Variants in SCRN3 observed in about 807,000 individuals in gnomAD.
SCRN3 encodes the protein secernin 3.
In SCRN3, 39 loss-of-function variants were observed where a neutral mutation model predicts 43.1. The observed-to-expected ratio is 0.91, with a 90% CI of 0.70 to 1.18. SCRN3 has a LOEUF of 1.18. Among genes scored for constraint, SCRN3 ranks in the 50% most tolerant of loss-of-function variants. The pLI, the probability that SCRN3 is intolerant of heterozygous loss-of-function variation, is 0.00. For synonymous variants in SCRN3, 147 were observed against 163.1 expected, an observed-to-expected ratio of 0.90 and a Z score of 0.75; for missense variants, 484 against 498.0, an observed-to-expected ratio of 0.97 and a Z score of 0.27.
Position 174,412,370 on chromosome 2 carries a change from T to A in SCRN3, c.754+8055T>A, listed in dbSNP as rs567247830. On this transcript the variant is annotated intron_variant, in intron 5 of 7. Transcript: ENST00000272732. ...CTGGGAATTTTTTTTTTTTTTCTGC[T>A]TTCTTTCTGTCTTGTCCCAGCTCCC... 2.6e-5 allele frequency among the ~76,000 whole-genome samples: 4 copies of A among 151,836 alleles called. No homozygotes were observed. In the East Asian group the frequency reaches 7.8e-4, roughly 29 times the overall value.
rs759998483 is a variant in SCRN3 at position 174,400,016 on chromosome 2, A to G, written c.254A>G (p.Glu85Gly). The change falls in exon 3 of 8, where the codon GAG (glutamate) becomes GGG (glycine). Residue 85 changes from glutamate (E) to glycine (G), a missense_variant. Glu to Gly is a moderately conservative substitution (Grantham distance 98, BLOSUM62 -2). Coordinates refer to ENST00000272732, the MANE Select transcript of SCRN3 (RefSeq NM_024583.5). ...WLWGAEMGANEHGVCIGNEAV... is the reference protein window; with the variant it reads ...WLWGAEMGANGHGVCIGNEAV... ...TGGGGGGCAGAAATGGGAGCCAATG[A>G]GCATGGAGTTTGCATTGGGAATGAA... The G allele has an allele frequency of 6.2e-7, 1 of 1,600,814 alleles. No homozygotes were observed. The highest frequency in any genetic ancestry group is 1.1e-5 in the South Asian group (1 of 89,086).
intron 7 of SCRN3, among the ~76,000 whole-genome samples, chr2:174,426,268 G>A (rs1223626087): frequency 2.0e-5 from 3 of 152,026 alleles, no homozygotes; most frequent in Admixed American, 2.0e-4. Context: ...ATTTACTTTT[G>A]TGTATTTGAT....
chr2:174,427,835 G>A lies in SCRN3; in HGVS notation c.1215G>A (p.Gln405=), dbSNP rs762808428. Residue 405 remains glutamine (Q), a synonymous_variant, in exon 8 of 8, where the codon CAG becomes CAA. Coordinates refer to ENST00000272732, the MANE Select transcript of SCRN3 (RefSeq NM_024583.5). The stretch of plus-strand genomic sequence containing the variant: ...AGAAAATTGTTAATCTCTTTCCTCA[G>A]TGTACAAAAGATGAAATTCAAATTT... ...DVEKIVNLFP[Q]CTKDEIQIYQ... The A allele has an allele frequency of 1.9e-6, 3 of 1,605,658 alleles. No individual in the cohort carries two copies. In the East Asian group the frequency reaches 6.7e-5, roughly 36 times the overall value.
intron 1 of SCRN3, among the ~76,000 whole-genome samples, chr2:174,397,643 T>C (rs1023821000): frequency 1.3e-5 from 2 of 152,128 alleles, no homozygotes; most frequent in African/African-American, 4.8e-5. Flanking sequence ...ATAAGACAAG[T>C]TCCAGCAAAG....
intron 4 of SCRN3, among the ~76,000 whole-genome samples, chr2:174,402,755 A>G (rs1330808813): frequency 6.6e-6 from 1 of 152,202 alleles, no homozygotes; most frequent in African/African-American, 2.4e-5. Context: ...TGATTCTTTC[A>G]TGACTTGGAT....
chr2:174,414,939 T>G (rs1408042344), intron 5 of SCRN3, among the ~76,000 whole-genome samples: 1 of 152,066 alleles, frequency 6.6e-6, no homozygotes, highest in African/African-American at 2.4e-5. Context: ...AATTTTTTTA[T>G]TTTTTGTAGA....
chr2:174,422,830 G>A (rs566461857), intron 5 of SCRN3, 55 bp from the exon 6 acceptor site: 2 of 1,124,436 alleles, frequency 1.8e-6, no homozygotes, highest in South Asian at 1.5e-5. Flanking sequence ...GTTCATATTT[G>A]CAAGGCATCC....
chr2:174,413,043 A>T (rs13014481), intron 5 of SCRN3, among the ~76,000 whole-genome samples: 29,397 of 150,082 alleles, frequency 0.2, 3,328 homozygotes, highest in Middle Eastern at 0.38. Flanking sequence ...TAATTTTGTA[A>T]TTTTTTTTAG....
chr2:174,423,183 C>A, intron 6 of SCRN3, 136 bp downstream of exon 6: 1 of 610,090 alleles, frequency 1.6e-6, no homozygotes, highest in Non-Finnish European at 2.7e-6. Flanking sequence ...TCTGTTCAGG[C>A]TTTAATCTGC....
intron 1 of SCRN3, among the ~76,000 whole-genome samples, chr2:174,396,796 CAA>C (rs57053389): frequency 2.9e-5 from 4 of 137,360 alleles, no homozygotes; most frequent in Non-Finnish European, 3.1e-5. Context: ...TAAACTCCAT[CAA>C]AAAAAAAAAA....
At chr2:174,411,031 T>C (rs1220668784) in intron 5 of SCRN3, among the ~76,000 whole-genome samples, 2 of 152,142 alleles carry the variant, frequency 1.3e-5, no homozygotes, top group African/African-American at 4.8e-5. Flanking sequence ...GGAACTGGAC[T>C]CCTTATTACG....
intron 1 of SCRN3, chr2:174,397,478 A>T (rs147203403): frequency 6.0e-4 from 422 of 700,404 alleles, no homozygotes; most frequent in African/African-American, 3.7e-3. Context: ...AAATATCAGC[A>T]ATTTGGAATT....
chr2:174,409,251 C>T (rs1468737792), intron 5 of SCRN3, among the ~76,000 whole-genome samples: 2 of 135,232 alleles, frequency 1.5e-5, no homozygotes, highest in African/African-American at 2.6e-5. Flanking sequence ...TTGATCGCGT[C>T]GGCTCCTGAG....
chr2:174,407,708 TC>T (rs1225086372), intron 5 of SCRN3, among the ~76,000 whole-genome samples: 1 of 123,046 alleles, frequency 8.1e-6, no homozygotes, highest in Non-Finnish European at 1.7e-5. Context: ...TGCCTTCATT[TC>T]GTTATGTACC....
intron 5 of SCRN3, among the ~76,000 whole-genome samples, chr2:174,405,308 GT>G (rs1412823760): frequency 8.9e-6 from 1 of 112,900 alleles, no homozygotes; most frequent in African/African-American, 3.2e-5. Flanking sequence ...GGGGTTGTTT[GT>G]TTTTTTCTTG....
chr2:174,401,364 T>C (rs1443747586), intron 4 of SCRN3, among the ~76,000 whole-genome samples, 175 bp downstream of exon 4: 1 of 152,216 alleles, frequency 6.6e-6, no homozygotes, highest in African/African-American at 2.4e-5. Flanking sequence ...TAAAGAGCTT[T>C]CTTGAAAAAG....
chr2:174,396,543 T>C (rs957142723), intron 1 of SCRN3, among the ~76,000 whole-genome samples: 66 of 152,158 alleles, frequency 4.3e-4, no homozygotes, highest in African/African-American at 1.5e-3. Context: ...ACGCCTGTAA[T>C]CCCAGCACTT....
chr2:174,396,309 G>A, intron 1 of SCRN3: 1 of 987,004 alleles, frequency 1.0e-6, no homozygotes, highest in African/African-American at 1.7e-5. Flanking sequence ...ATCTCTCAAG[G>A]CTTCACCTCC....
chr2:174,396,096 C>G (rs1380067556), intron 1 of SCRN3: 2 of 1,106,594 alleles, frequency 1.8e-6, no homozygotes, highest in Non-Finnish European at 1.1e-6. Context: ...AATTCCGGCC[C>G]TAACCGTAGT....
Sources: allele counts gnomAD v4.1 joint callset (sites outside exome capture counted in the v4.1 genomes callset), GRCh38; gene constraint gnomAD v4.1.1; transcripts MANE v1.5; gene names NCBI Gene and HGNC (gene_info 2026-07-23, HGNC 2026-07-21).